VNN1: variants seen among roughly 807,000 people sequenced by gnomAD.
VNN1 encodes the protein vanin 1.
VNN1 carries 29 observed loss-of-function variants against 41.9 expected under a neutral mutation model. The ratio of observed to expected loss-of-function variants is 0.69; its 90% confidence interval spans 0.52 to 0.94. The LOEUF (loss-of-function observed/expected upper bound fraction) is 0.94. Ranked by LOEUF, VNN1 falls within the 40% of genes least tolerant of loss-of-function variation. The probability of loss-of-function intolerance (pLI) is 0.00; values close to 1 mark genes in which losing one functional copy is unlikely to be tolerated. For missense variants in VNN1, 637 were observed against 621.1 expected (o/e 1.03, Z -0.27); for synonymous variants, 233 against 224.4 (o/e 1.04, Z -0.34).
intron 2 of VNN1, among the ~76,000 whole-genome samples, chr6:132,702,630 G>C (rs530838515): frequency 6.6e-6 from 1 of 152,166 alleles, no homozygotes; most frequent in Non-Finnish European, 1.5e-5. Flanking sequence ...CTTAAGAAAG[G>C]AGACAGGAGC....
At chr6:132,708,961 C>T (rs939514497) in intron 2 of VNN1, among the ~76,000 whole-genome samples, 2 of 152,132 alleles carry the variant, frequency 1.3e-5, no homozygotes, top group African/African-American at 2.4e-5. Context: ...ATTTAGAATT[C>T]CTTCAGCCTG....
rs778411161 is a variant in VNN1 at position 132,681,115 on chromosome 6, G to A, written c.*2025C>T. ...CTCAACTCTGTTTGATTCTGTCCAC[G>A]TTGTGCCATTGTTGGTCCATGTGAC... On this transcript the variant is annotated 3_prime_UTR_variant, in exon 7 of 7. Coordinates refer to ENST00000367928, the MANE Select transcript of VNN1 (RefSeq NM_004666.3). Among the ~76,000 whole-genome samples the A allele has an allele frequency of 2.5e-4, 38 of 152,028 alleles. No individual in the cohort carries two copies. Among genetic ancestry groups the A allele is most frequent in the East Asian group, 3.9e-4 (2 of 5,186 alleles).
intron 5 of VNN1, among the ~76,000 whole-genome samples, chr6:132,691,812 A>G (rs1368575004): frequency 6.6e-6 from 1 of 152,022 alleles, no homozygotes; most frequent in African/African-American, 2.4e-5. Flanking sequence ...ACCCTGGCCA[A>G]TATGGTGAAA....
At position 132,680,919 on chromosome 6, in the gene VNN1, C is replaced by T. The variant is rs901167331; in HGVS notation, c.*2221G>A. ...GTTTTTTAGTGTAGTGCTTTTCAGA[C>T]GTAACTATTGGGAGTGTATTTTGAA... On this transcript the variant is annotated 3_prime_UTR_variant, in exon 7 of 7. Transcript: ENST00000367928. 2.0e-5 allele frequency among the ~76,000 whole-genome samples: 3 copies of T among 151,864 alleles called. No individual in the cohort carries two copies. The highest frequency in any genetic ancestry group is 6.6e-5 in the Admixed American group (1 of 15,256).
rs137919943 is a variant in VNN1 at position 132,682,682 on chromosome 6, A to G, written c.*458T>C. 6.5e-6 allele frequency: 1 copy of G among 152,702 alleles called. No individual in the cohort carries two copies. Among genetic ancestry groups the G allele is most frequent in the African/African-American group, 2.4e-5 (1 of 41,592 alleles). The allele number at this position is 152,702 out of a possible 1,614,324, so 9.5% of individuals were successfully genotyped here. A position where few individuals can be genotyped will look rare whatever the true frequency, so the allele number is the denominator to read the frequency against. ...AACATGTAAATTTTGGGGAGACATT[A>G]TCAACCCACAAGAGAATCAAAATGT... is the stretch of plus-strand genomic sequence containing the variant. On this transcript the variant is annotated 3_prime_UTR_variant, in exon 7 of 7. Coordinates refer to ENST00000367928, the MANE Select transcript of VNN1 (RefSeq NM_004666.3).
At chr6:132,693,640 C>G (rs1372361112) in intron 3 of VNN1, among the ~76,000 whole-genome samples, 1 of 152,202 alleles carries the variant, frequency 6.6e-6, no homozygotes, top group East Asian at 1.9e-4. Flanking sequence ...TTGTTCCATT[C>G]TCCTCAAGAC....
At position 132,693,232 on chromosome 6, in the gene VNN1, A is replaced by G; in HGVS notation, c.618T>C (p.Phe206=). 6.2e-7 allele frequency: 1 copy of G among 1,614,180 alleles called. No individual in the cohort carries two copies. The highest frequency in any genetic ancestry group is 1.1e-5 in the South Asian group (1 of 91,082). Residue 206 remains phenylalanine, a synonymous_variant, in exon 4 of 7, where the codon TTT becomes TTC. Coordinates refer to ENST00000367928, the MANE Select transcript of VNN1 (RefSeq NM_004666.3). ...IVTFNTTFGS[F]GIFTCFDILF... ...GTATATCAAAGCATGTGAAAATGCC[A>G]AAACTTCCAAAGGTGGTATTGAAAG...
chr6:132,696,204 G>A (rs1317248882), intron 2 of VNN1, among the ~76,000 whole-genome samples: 1 of 152,122 alleles, frequency 6.6e-6, no homozygotes, highest in African/African-American at 2.4e-5. Context: ...ATATTTTATA[G>A]GAGGATTCGA....
At chr6:132,686,883 T>G (rs775497147) in intron 5 of VNN1, among the ~76,000 whole-genome samples, 8 of 151,636 alleles carry the variant, frequency 5.3e-5, no homozygotes, top group Non-Finnish European at 1.2e-4. Flanking sequence ...GTGTTGAAAC[T>G]CCGAAGACAA....
intron 2 of VNN1, among the ~76,000 whole-genome samples, chr6:132,702,630 G>A (rs530838515): frequency 8.5e-5 from 13 of 152,284 alleles, no homozygotes; most frequent in Middle Eastern, 3.4e-3. Context: ...CTTAAGAAAG[G>A]AGACAGGAGC....
At chr6:132,700,775 A>G (rs1778439350) in intron 2 of VNN1, among the ~76,000 whole-genome samples, 1 of 152,216 alleles carries the variant, frequency 6.6e-6, no homozygotes, top group African/African-American at 2.4e-5. Flanking sequence ...TGAATGTTAG[A>G]TATAAACACT....
chr6:132,687,134 G>T (rs1327755932), intron 5 of VNN1, among the ~76,000 whole-genome samples: 2 of 152,176 alleles, frequency 1.3e-5, no homozygotes, highest in Non-Finnish European at 2.9e-5. Flanking sequence ...CATGCATTCT[G>T]GGGAAGGTGT....
intron 2 of VNN1, among the ~76,000 whole-genome samples, chr6:132,709,579 G>C (rs750814622): frequency 1.3e-5 from 2 of 151,890 alleles, no homozygotes; most frequent in Non-Finnish European, 2.9e-5. Flanking sequence ...CACAAGAATT[G>C]CTTGGACCTG....
intron 1 of VNN1, among the ~76,000 whole-genome samples, chr6:132,713,053 T>G (rs1778626450): frequency 6.6e-6 from 1 of 152,160 alleles, no homozygotes; most frequent in African/African-American, 2.4e-5. Flanking sequence ...GAGAATCACC[T>G]GAGCCCGGGA....
rs772960888 is a variant in VNN1 at position 132,711,730 on chromosome 6, A to T, written c.320T>A (p.Ile107Asn). The stretch of plus-strand genomic sequence containing the variant: ...TTACCTGTTACGATTATTACAGGGG[A>T]TCCAGTTTACTTCAGGGTCTGGGAT... ...EDIPDPEVNWIPCNNRNRFGQ... is the reference protein window; with the variant it reads ...EDIPDPEVNWNPCNNRNRFGQ... The change falls in exon 2 of 7, where the codon ATC becomes AAC. Residue 107 changes from isoleucine (I) to asparagine (N), a missense_variant. Transcript: ENST00000367928. 1.2e-6 allele frequency: 2 copies of T among 1,613,192 alleles called. No homozygotes were observed. The highest frequency in any genetic ancestry group is 1.7e-5 in the Admixed American group (1 of 59,824).
At chr6:132,708,498 A>G (rs180753263) in intron 2 of VNN1, among the ~76,000 whole-genome samples, 63 of 152,322 alleles carry the variant, frequency 4.1e-4, no homozygotes, top group African/African-American at 1.5e-3. Context: ...GAGGTGATGT[A>G]GGTCCCAAAA....
At chr6:132,702,657 C>A (rs1004398334) in intron 2 of VNN1, among the ~76,000 whole-genome samples, 1 of 152,192 alleles carries the variant, frequency 6.6e-6, no homozygotes, top group African/African-American at 2.4e-5. Flanking sequence ...AGGACTTTGT[C>A]TTGCAACTTG....
chr6:132,712,857 A>T (rs146749953), intron 1 of VNN1, among the ~76,000 whole-genome samples: 1 of 152,332 alleles, frequency 6.6e-6, no homozygotes, highest in African/African-American at 2.4e-5. Context: ...AATATAGGGC[A>T]GTCACGGTAG....
At chr6:132,686,456 A>C (rs982799553) in intron 5 of VNN1, among the ~76,000 whole-genome samples, 1 of 152,164 alleles carries the variant, frequency 6.6e-6, no homozygotes, top group Non-Finnish European at 1.5e-5. Flanking sequence ...AAAAAAAACA[A>C]AGTTTATCTG....
Sources: gnomAD v4.1 joint callset for allele counts (sites outside exome capture counted in the v4.1 genomes callset) on GRCh38, gnomAD v4.1.1 for gene constraint, MANE v1.5 for transcripts, NCBI Gene and HGNC (gene_info 2026-07-23, HGNC 2026-07-21) for gene names.